MFHAS1: variants seen among roughly 807,000 people sequenced by gnomAD.
MFHAS1 encodes the protein malignant fibrous histiocytoma-amplified sequence 1.
MFHAS1 carries 50 observed loss-of-function variants against 70.4 expected under a neutral mutation model. The ratio of observed to expected loss-of-function variants is 0.71; its 90% CI spans 0.57 to 0.90. The LOEUF (loss-of-function observed/expected upper bound fraction) is 0.90, where lower values mean the gene tolerates loss of function less well. Ranked by LOEUF, MFHAS1 falls within the 40% of genes least tolerant of loss-of-function variation. The probability of loss-of-function intolerance (pLI) is 0.00; values close to 1 mark genes in which losing one functional copy is unlikely to be tolerated. For synonymous variants in MFHAS1, 952 were observed against 620.0 expected (o/e 1.54, Z -7.96); for missense variants, 1,795 against 1,347.6 (o/e 1.33, Z -5.20).
intron 1 of MFHAS1, among the ~76,000 whole-genome samples, chr8:8,869,338 G>A (rs1302265422): frequency 1.3e-5 from 2 of 152,144 alleles, no homozygotes; most frequent in Admixed American, 6.6e-5. Flanking sequence ...AACAAAAGCT[G>A]ATTCGTTATG....
At chr8:8,796,335 G>A (rs1805892963) in intron 2 of MFHAS1, among the ~76,000 whole-genome samples, 1 of 152,188 alleles carries the variant, frequency 6.6e-6, no homozygotes, top group Non-Finnish European at 1.5e-5. Context: ...CTTTGCTCAT[G>A]GAATGGGCCT....
chr8:8,796,767 G>A (rs56385860), intron 2 of MFHAS1, among the ~76,000 whole-genome samples: 29,974 of 66,030 alleles, frequency 0.45, 5,325 homozygotes, highest in East Asian at 0.71. Context: ...AGGCCAAGAC[G>A]GGCGGATCCC....
At chr8:8,867,484 C>T (rs1259239759) in intron 1 of MFHAS1, among the ~76,000 whole-genome samples, 1 of 151,978 alleles carries the variant, frequency 6.6e-6, no homozygotes, top group Non-Finnish European at 1.5e-5. Flanking sequence ...ATTAATCCAA[C>T]CCCAGAATTT....
In MFHAS1 at chr8:8,891,317, G is replaced by A. The variant is rs754245309; in HGVS notation, c.1742C>T (p.Ala581Val). The A allele has an allele frequency of 8.7e-6, 14 of 1,611,110 alleles. No individual in the cohort carries two copies. The Admixed American group carries it at 1.8e-4, about 21-fold the overall frequency. Residue 581 changes from alanine to valine, a missense_variant, in exon 1 of 3, where the codon GCC (alanine) becomes GTC (valine). Ala to Val is a moderately conservative substitution (Grantham distance 64). Transcript: ENST00000276282. This position sits in a 1 kb window ranked among gnomAD's most constrained non-coding sequence, Gnocchi z 5.4. ...GGCAGAGCGCAGCTCGAAGTCCCGG[G>A]CCAGTGCCTCGTCCACCACCTTGGC... ...RLAKVVDEAL[A>V]RDFELRSASP...
At chr8:8,887,764 A>G (rs1436477550) in intron 1 of MFHAS1, among the ~76,000 whole-genome samples, 1 of 151,446 alleles carries the variant, frequency 6.6e-6, no homozygotes, top group East Asian at 1.9e-4. Flanking sequence ...ACAACACAAG[A>G]CAAGGGGCTT....
At chr8:8,865,519 C>T (rs918635504) in intron 1 of MFHAS1, among the ~76,000 whole-genome samples, 6 of 152,074 alleles carry the variant, frequency 3.9e-5, no homozygotes, top group African/African-American at 7.2e-5. Context: ...ACCAAGGACC[C>T]CTCCCAGGAC....
In MFHAS1 at chr8:8,891,478, C is replaced by T. The variant is rs138267533; in HGVS notation, c.1581G>A (p.Val527=). 2.0e-5 allele frequency: 32 copies of T among 1,613,010 alleles called. No homozygotes were observed. The African/African-American group carries it at 4.1e-4, about 21-fold the overall frequency. Residue 527 remains valine (V), a synonymous_variant, in exon 1 of 3, where the codon GTG becomes GTA. Coordinates refer to ENST00000276282, the MANE Select transcript of MFHAS1 (RefSeq NM_004225.3). This position sits in a 1 kb window ranked among gnomAD's most constrained non-coding sequence, Gnocchi z 5.4. ...GSFLHRVGAR[V]PHAVVCIVGT... is the part of the protein sequence containing the mutation. ...CCACGATGCACACCACCGCGTGGGG[C>T]ACTCTCGCCCCGACCCGATGCAAGA...
intron 1 of MFHAS1, among the ~76,000 whole-genome samples, chr8:8,871,412 T>C (rs1413959973): frequency 6.6e-6 from 1 of 152,140 alleles, no homozygotes; most frequent in Non-Finnish European, 1.5e-5. Context: ...TAGCTGGGCA[T>C]GGTGGCACAT....
intron 1 of MFHAS1, among the ~76,000 whole-genome samples, chr8:8,805,483 T>C (rs950981915): frequency 1.3e-5 from 2 of 152,182 alleles, no homozygotes; most frequent in African/African-American, 4.8e-5. Context: ...TAAGTGGAAG[T>C]AGACCATCAT....
chr8:8,857,562 G>A (rs1808490479), intron 1 of MFHAS1, among the ~76,000 whole-genome samples: 1 of 152,060 alleles, frequency 6.6e-6, no homozygotes, highest in African/African-American at 2.4e-5. Flanking sequence ...CTCGAGACCA[G>A]CCTGGCCAAT....
At chr8:8,841,749 C>A (rs1285501981) in intron 1 of MFHAS1, among the ~76,000 whole-genome samples, 1 of 152,178 alleles carries the variant, frequency 6.6e-6, no homozygotes, top group East Asian at 1.9e-4. Flanking sequence ...CTTCCAGACC[C>A]CACATGGGCC....
intron 1 of MFHAS1, among the ~76,000 whole-genome samples, chr8:8,803,546 A>G (rs1806159899): frequency 6.6e-6 from 1 of 151,496 alleles, no homozygotes; most frequent in East Asian, 1.9e-4. Flanking sequence ...GAAAAAGAAA[A>G]CTAAATTCCA....
At chr8:8,844,213 G>A (rs551661520) in intron 1 of MFHAS1, among the ~76,000 whole-genome samples, 33 of 152,206 alleles carry the variant, frequency 2.2e-4, no homozygotes, top group African/African-American at 7.5e-4. Context: ...ATCAACCAAC[G>A]TTGTCTCCAA....
intron 1 of MFHAS1, among the ~76,000 whole-genome samples, chr8:8,843,299 G>GAGGGCC (rs1289650334): frequency 1.0e-4 from 15 of 143,766 alleles, no homozygotes; most frequent in East Asian, 1.0e-3. Flanking sequence ...GAAAGCGAAA[G>GAGGGCC]AGGGCCAGGT....
intron 1 of MFHAS1, among the ~76,000 whole-genome samples, chr8:8,815,209 T>C (rs1379303522): frequency 6.6e-6 from 1 of 152,234 alleles, no homozygotes; most frequent in East Asian, 1.9e-4. Context: ...TTCCTTTTTA[T>C]GGCTGCATTG....
At chr8:8,824,895 T>A (rs968944993) in intron 1 of MFHAS1, among the ~76,000 whole-genome samples, 2 of 152,230 alleles carry the variant, frequency 1.3e-5, no homozygotes, top group African/African-American at 4.8e-5. Flanking sequence ...TGCGCTGGCC[T>A]CACGGGAACA....
intron 1 of MFHAS1, among the ~76,000 whole-genome samples, chr8:8,817,019 C>T (rs1302606968): frequency 6.6e-6 from 1 of 152,182 alleles, no homozygotes; most frequent in Non-Finnish European, 1.5e-5. Context: ...AGCTTTAGTT[C>T]ATCCAACACT....
intron 1 of MFHAS1, among the ~76,000 whole-genome samples, chr8:8,843,760 C>T (rs1352788787): frequency 1.3e-5 from 2 of 152,198 alleles, no homozygotes; most frequent in Non-Finnish European, 2.9e-5. Context: ...CTCCCATAAA[C>T]ATCAGCGAAC....
intron 1 of MFHAS1, among the ~76,000 whole-genome samples, chr8:8,860,820 A>C (rs959655830): frequency 1.3e-5 from 2 of 152,236 alleles, no homozygotes; most frequent in Non-Finnish European, 2.9e-5. Context: ...AGACAGTTCT[A>C]ATTTTCATGC....
Sources: allele counts gnomAD v4.1 joint callset (sites outside exome capture counted in the v4.1 genomes callset), GRCh38; gene constraint gnomAD v4.1.1; non-coding constraint Gnocchi (gnomAD v3.1); transcripts MANE v1.5; gene names NCBI Gene and HGNC (gene_info 2026-07-23, HGNC 2026-07-21).